ADD1: variants seen among roughly 807,000 people sequenced by gnomAD.
The protein encoded by ADD1 is alpha-adducin.
ADD1 carries 24 observed loss-of-function variants against 80.5 expected under a neutral mutation model. The observed-to-expected ratio is 0.30, with a 90% CI of 0.22 to 0.42. The LOEUF (loss-of-function observed/expected upper bound fraction) is 0.42. Ranked by LOEUF, ADD1 falls within the 10% of genes least tolerant of loss-of-function variation. The pLI is 1.00. For missense variants in ADD1, 948 were observed against 1,019.0 expected, an observed-to-expected ratio of 0.93 and a Z score of 0.95; for synonymous variants, 373 against 393.8, an observed-to-expected ratio of 0.95 and a Z score of 0.63.
intron 6 of ADD1, 107 bp from the exon 7 acceptor site, chr4:2,898,077 A>AT: frequency 7.2e-7 from 1 of 1,397,044 alleles, no homozygotes; most frequent in Non-Finnish European, 9.7e-7. Flanking sequence ...AAGAGGACAA[A>AT]AACATTTCCC....
chr4:2,864,996 C>T (rs1300731265), intron 1 of ADD1, among the ~76,000 whole-genome samples: 1 of 152,076 alleles, frequency 6.6e-6, no homozygotes, highest in Non-Finnish European at 1.5e-5. Context: ...TAAAGGATCT[C>T]CTGGTCATCT....
chr4:2,883,071 A>G lies in ADD1; in HGVS notation c.358+1011A>G, dbSNP rs180699503. 2.0e-5 allele frequency among the ~76,000 whole-genome samples: 3 copies of G among 152,222 alleles called. No individual in the cohort carries two copies. In the East Asian group the frequency reaches 5.8e-4, roughly 29 times the overall value. On this transcript the variant is annotated intron_variant, in intron 3 of 15. Coordinates refer to ENST00000683351, the MANE Select transcript of ADD1 (RefSeq NM_001354761.2). ...AGAGACGGATTTCGCCATGTTGGCC[A>G]TGCTGGTCTCAAACTCCTGACCACA...
At chr4:2,848,207 C>T (rs975510844) in intron 1 of ADD1, among the ~76,000 whole-genome samples, 21 of 144,872 alleles carry the variant, frequency 1.4e-4, no homozygotes, top group East Asian at 2.0e-4. Flanking sequence ...AGTGAGACTC[C>T]GTCTCAAAAA....
intron 1 of ADD1, among the ~76,000 whole-genome samples, chr4:2,869,743 G>T (rs1270594414): frequency 6.6e-6 from 1 of 152,162 alleles, no homozygotes; most frequent in Non-Finnish European, 1.5e-5. Context: ...AAGGTGGAAG[G>T]TGTCTCCAGT....
intron 2 of ADD1, 58 bp downstream of exon 2, chr4:2,876,168 G>A: frequency 6.5e-7 from 1 of 1,527,606 alleles, no homozygotes; most frequent in Non-Finnish European, 8.9e-7. Flanking sequence ...TAATACTTCA[G>A]GTCTTATGCC....
At chr4:2,909,255 C>G in intron 12 of ADD1, 84 bp from the exon 13 acceptor site, 3 of 1,207,706 alleles carry the variant, frequency 2.5e-6, no homozygotes, top group South Asian at 2.6e-5. Context: ...GCTGCATGCT[C>G]TTAGCCAGCT....
Position 2,928,268 on chromosome 4 carries a change from C to A in ADD1, c.2145C>A (p.Leu715=). The A allele has an allele frequency of 6.2e-7, 1 of 1,614,080 alleles. No individual in the cohort carries two copies. The highest frequency in any genetic ancestry group is 8.5e-7 in the Non-Finnish European group (1 of 1,180,028). The part of the protein sequence containing the change: ...DLSPDEPSEA[L]GFPMLEKEEE... ...CCCCTGATGAACCTTCAGAAGCACT[C>A]GGCTTCCCAATGTTAGAGAAGGAGG... Residue 715 remains leucine, a synonymous_variant, in exon 16 of 16, where the codon CTC becomes CTA. Coordinates refer to ENST00000683351, the MANE Select transcript of ADD1 (RefSeq NM_001354761.2).
At chr4:2,872,927 G>T (rs545724839) in intron 1 of ADD1, among the ~76,000 whole-genome samples, 1 of 151,894 alleles carries the variant, frequency 6.6e-6, no homozygotes, top group South Asian at 2.1e-4. Context: ...TATGAAAAAT[G>T]TTCCAGAAGT....
At chr4:2,893,137 C>T (rs1026518614) in intron 4 of ADD1, among the ~76,000 whole-genome samples, 2 of 151,890 alleles carry the variant, frequency 1.3e-5, no homozygotes, top group Admixed American at 6.6e-5. Flanking sequence ...CCATGTTGAC[C>T]AGGCTGGTCC....
chr4:2,926,452 C>CGCCG lies in ADD1; in HGVS notation c.2047+343_2047+346dup. The CGCCG allele has an allele frequency of 1.4e-6, 1 of 698,102 alleles. No individual in the cohort carries two copies. The highest frequency in any genetic ancestry group is 2.6e-6 in the Non-Finnish European group (1 of 390,218). 43.2% of individuals were successfully genotyped at this position (698,102 alleles called of 1,614,324 possible). The stretch of plus-strand genomic sequence containing the variant: ...GGTGCCCTCCGCTGTGTGAGCCACA[C>CGCCG]GCCGGCTGCCTCTCAGCCACCGTGT... On this transcript the variant is annotated intron_variant, in intron 15 of 15. Coordinates refer to ENST00000683351, the MANE Select transcript of ADD1 (RefSeq NM_001354761.2). This position sits in a 1 kb window ranked among gnomAD's most constrained non-coding sequence, Gnocchi z 5.0.
intron 1 of ADD1, among the ~76,000 whole-genome samples, chr4:2,867,303 G>A (rs767660861): frequency 6.6e-6 from 1 of 152,146 alleles, no homozygotes; most frequent in Non-Finnish European, 1.5e-5. Flanking sequence ...AGTTTGGGAT[G>A]GGGAGCTGTT....
chr4:2,919,510 C>T (rs1739640536), intron 14 of ADD1, among the ~76,000 whole-genome samples: 1 of 152,160 alleles, frequency 6.6e-6, no homozygotes, highest in Non-Finnish European at 1.5e-5. Flanking sequence ...ACCTCAATAT[C>T]AGAGCTTGTT....
chr4:2,859,937 T>TC (rs60380616), intron 1 of ADD1, among the ~76,000 whole-genome samples: 7 of 150,036 alleles, frequency 4.7e-5, no homozygotes, highest in African/African-American at 1.7e-4. Context: ...TTTTTTTTTT[T>TC]CAGGAGAAAC....
chr4:2,861,366 C>A (rs1396376764), intron 1 of ADD1, among the ~76,000 whole-genome samples: 1 of 151,980 alleles, frequency 6.6e-6, no homozygotes, highest in African/African-American at 2.4e-5. Flanking sequence ...AGCTACCACT[C>A]CCAAATTAAG....
intron 6 of ADD1, among the ~76,000 whole-genome samples, chr4:2,896,268 G>A (rs1735207533): frequency 6.6e-6 from 1 of 151,274 alleles, no homozygotes; most frequent in Non-Finnish European, 1.5e-5. Context: ...AAGTGCAGTG[G>A]CGCACTCTCA....
At chr4:2,863,988 C>A (rs1314435717) in intron 1 of ADD1, among the ~76,000 whole-genome samples, 1 of 152,152 alleles carries the variant, frequency 6.6e-6, no homozygotes, top group South Asian at 2.1e-4. Flanking sequence ...CACATTTAAC[C>A]CCTATACACT....
chr4:2,866,143 A>G (rs1048152661), intron 1 of ADD1, among the ~76,000 whole-genome samples: 10 of 152,132 alleles, frequency 6.6e-5, no homozygotes, highest in Non-Finnish European at 1.5e-5. Context: ...ATATTTGTTC[A>G]TGGGCCATCT....
Position 2,928,479 on chromosome 4 carries a change from ACC to A in ADD1, c.2359_2360del (p.Pro787ValfsTer11). 6.2e-7 allele frequency: 1 copy of A among 1,613,742 alleles called. No individual in the cohort carries two copies. Among genetic ancestry groups the A allele is most frequent in the Non-Finnish European group, 8.5e-7 (1 of 1,179,988 alleles). On this transcript the variant is annotated frameshift_variant, in exon 16 of 16. Transcript: ENST00000683351. LOFTEE classifies it high-confidence loss of function. ...GTCCAAAAAGAAGAAGAAGTTCCGT[ACC>A]CCGTCCTTTCTGAAGAAGAGCAAGA... Reference protein sequence around the residue: ...SPSKKKKKFRTPSFLKKSKKK... With the variant: ...SPSKKKKKFRXPSFLKKSKKK...
Position 2,846,567 on chromosome 4 carries a change from A to G in ADD1, c.-21+2543A>G, listed in dbSNP as rs79070825. ...AAAGATAATTTTTCATGCCTCCACT[A>G]TTTGGTTATCTTGAGGTATCTCTTA... On this transcript the variant is annotated intron_variant, in intron 1 of 15. Transcript: ENST00000683351. 1.6e-4 allele frequency among the ~76,000 whole-genome samples: 24 copies of G among 152,234 alleles called. 1 individual carries two copies. In the East Asian group the frequency reaches 4.6e-3, roughly 29 times the overall value.
Sources: gnomAD v4.1 joint callset for allele counts (sites outside exome capture counted in the v4.1 genomes callset) on GRCh38, gnomAD v4.1.1 for gene constraint, Gnocchi (gnomAD v3.1) non-coding constraint, MANE v1.5 for transcripts, NCBI Gene and HGNC (gene_info 2026-07-23, HGNC 2026-07-21) for gene names.